The following FGF14 variants were observed in gnomAD, a reference collection of about 807,000 sequenced individuals.
The protein encoded by FGF14 is fibroblast growth factor 14.
FGF14 carries 5 observed loss-of-function variants against 25.5 expected under a neutral mutation model. That is an observed-to-expected ratio of 0.20 (90% CI 0.10 to 0.41). FGF14 has a LOEUF of 0.41. Among genes scored for constraint, FGF14 ranks in the 10% least tolerant of loss-of-function variants. The probability of loss-of-function intolerance (pLI) is 1.00; values close to 1 mark genes in which losing one functional copy is unlikely to be tolerated. For missense variants in FGF14, 222 were observed against 320.1 expected, an observed-to-expected ratio of 0.69 and a Z score of 2.34; for synonymous variants, 138 against 118.3, an observed-to-expected ratio of 1.17 and a Z score of -1.08.
In FGF14 at chr13:102,400,788, C is replaced by A. The variant is rs2058685755; in HGVS notation, c.208+683G>T. 6.6e-6 allele frequency among the ~76,000 whole-genome samples: 1 copy of A among 152,056 alleles called. No homozygotes were observed. The highest frequency in any genetic ancestry group is 2.4e-5 in the African/African-American group (1 of 41,396). On this transcript the variant is annotated intron_variant, in intron 1 of 4. Transcript: ENST00000376131. This position sits in a 1 kb window ranked among gnomAD's most constrained non-coding sequence, Gnocchi z 4.3. ...CACCGCTTTCTAAAGGGGGGGACTT[C>A]AATTACAAATATTAGAGGGGCTGGG...
intron 3 of FGF14, among the ~76,000 whole-genome samples, chr13:101,811,271 T>G (rs1221182548): frequency 6.6e-6 from 1 of 152,152 alleles, no homozygotes; most frequent in Non-Finnish European, 1.5e-5. Context: ...ACCAATTTAT[T>G]TCTCCCTCCT....
intron 1 of FGF14, among the ~76,000 whole-genome samples, chr13:102,295,454 C>T (rs1374057005): frequency 1.3e-5 from 2 of 152,208 alleles, no homozygotes; most frequent in African/African-American, 2.4e-5. Flanking sequence ...TTGACTTGTA[C>T]GGTACTGTGT....
chr13:102,333,529 C>G (rs2056696711), intron 1 of FGF14, among the ~76,000 whole-genome samples: 1 of 152,096 alleles, frequency 6.6e-6, no homozygotes, highest in Admixed American at 6.6e-5. Context: ...GGATGTTACG[C>G]AAGAAGAGGC....
chr13:101,828,326 G>A (rs555580627), intron 3 of FGF14, among the ~76,000 whole-genome samples: 1 of 151,950 alleles, frequency 6.6e-6, no homozygotes, highest in Non-Finnish European at 1.5e-5. Context: ...ACTGCTCATC[G>A]AGAATTGAAT....
intron 1 of FGF14, among the ~76,000 whole-genome samples, chr13:102,349,997 C>G (rs1316571381): frequency 6.6e-6 from 1 of 152,108 alleles, no homozygotes; most frequent in Non-Finnish European, 1.5e-5. Flanking sequence ...CAAATACAAA[C>G]CTGAGAAGAA....
intron 3 of FGF14, among the ~76,000 whole-genome samples, chr13:101,867,889 GACACACACACACACACACACACAC>G (rs370683665): frequency 2.8e-5 from 4 of 140,590 alleles, no homozygotes; most frequent in Admixed American, 7.2e-5. Flanking sequence ...TTCTGTTTAA[GACACACACACACACACACACACAC>G]ACACACACAC....
intron 3 of FGF14, among the ~76,000 whole-genome samples, chr13:101,827,930 A>G (rs899037826): frequency 6.6e-5 from 9 of 136,710 alleles, no homozygotes; most frequent in African/African-American, 1.5e-4. Flanking sequence ...TTTCTAAAAA[A>G]AAAAAAAAAG....
chr13:101,725,894 T>C (rs1209966085), intron 4 of FGF14, among the ~76,000 whole-genome samples: 2 of 152,092 alleles, frequency 1.3e-5, no homozygotes, highest in Non-Finnish European at 2.9e-5. Context: ...CAGATGTTGT[T>C]GATTAATTAA....
intron 1 of FGF14, among the ~76,000 whole-genome samples, chr13:102,217,711 C>A (rs951474905): frequency 6.6e-6 from 1 of 152,180 alleles, no homozygotes; most frequent in Non-Finnish European, 1.5e-5. Flanking sequence ...TCAGAAGTCA[C>A]CCCTGTTTCA....
At chr13:102,225,172 C>T (rs2050777895) in intron 1 of FGF14, among the ~76,000 whole-genome samples, 1 of 152,102 alleles carries the variant, frequency 6.6e-6, no homozygotes, top group South Asian at 2.1e-4. Context: ...AAACCTGCTT[C>T]CTTCTTTGCA....
intron 1 of FGF14, among the ~76,000 whole-genome samples, chr13:102,198,813 GC>G (rs2049484491): frequency 6.6e-6 from 1 of 152,148 alleles, no homozygotes; most frequent in Non-Finnish European, 1.5e-5. Flanking sequence ...TTTATTCAAT[GC>G]CTTCCTCATG....
intron 1 of FGF14, among the ~76,000 whole-genome samples, chr13:102,008,014 G>C (rs2039895414): frequency 1.3e-5 from 2 of 152,134 alleles, no homozygotes; most frequent in African/African-American, 4.8e-5. Context: ...GATGAGACCA[G>C]GCTACAGGTG....
chr13:101,900,871 T>A (rs1465798230), intron 1 of FGF14, among the ~76,000 whole-genome samples: 2 of 152,188 alleles, frequency 1.3e-5, no homozygotes, highest in Non-Finnish European at 2.9e-5. Flanking sequence ...GCATTTTGAA[T>A]GTAAAAACTG....
intron 1 of FGF14, among the ~76,000 whole-genome samples, chr13:101,893,062 C>A (rs1242027170): frequency 6.6e-6 from 1 of 152,158 alleles, no homozygotes; most frequent in Non-Finnish European, 1.5e-5. Context: ...CATGACCCTG[C>A]AGTAGATGCC....
intron 1 of FGF14, among the ~76,000 whole-genome samples, chr13:102,083,702 C>T (rs2043750842): frequency 6.6e-6 from 1 of 152,228 alleles, no homozygotes; most frequent in Non-Finnish European, 1.5e-5. Flanking sequence ...CCTGCATTTG[C>T]AATCTCCCTA....
intron 1 of FGF14, among the ~76,000 whole-genome samples, chr13:101,881,778 T>C (rs1177476105): frequency 6.6e-6 from 1 of 152,186 alleles, no homozygotes; most frequent in Non-Finnish European, 1.5e-5. Flanking sequence ...TGCTGGTGTG[T>C]CGCTCAAGTG....
At chr13:102,207,051 G>A (rs2049957909) in intron 1 of FGF14, among the ~76,000 whole-genome samples, 1 of 152,106 alleles carries the variant, frequency 6.6e-6, no homozygotes, top group African/African-American at 2.4e-5. Flanking sequence ...GGAGGCTGAG[G>A]TAGGCAGATC....
chr13:101,936,925 A>AAGC (rs1282818054), intron 1 of FGF14, among the ~76,000 whole-genome samples: 4 of 152,198 alleles, frequency 2.6e-5, no homozygotes, highest in African/African-American at 9.6e-5. Flanking sequence ...TAGTGTATAG[A>AAGC]AGCAAATCAG....
intron 1 of FGF14, among the ~76,000 whole-genome samples, chr13:101,969,409 A>G (rs1349138099): frequency 1.4e-5 from 2 of 145,926 alleles, no homozygotes; most frequent in Non-Finnish European, 3.0e-5. Context: ...TAAAAATAAC[A>G]AAAAAAAAGA....
Sources: allele counts gnomAD v4.1 joint callset (sites outside exome capture counted in the v4.1 genomes callset), GRCh38; gene constraint gnomAD v4.1.1; non-coding constraint Gnocchi (gnomAD v3.1); transcripts MANE v1.5; gene names NCBI Gene and HGNC (gene_info 2026-07-23, HGNC 2026-07-21).